NAV2: variants seen among roughly 807,000 people sequenced by gnomAD.
The protein encoded by NAV2 is helicase, APC down-regulated 1.
Under a neutral mutation model 223.2 loss-of-function variants are expected in NAV2, and 54 were observed. That is an observed-to-expected ratio of 0.24 (90% CI 0.19 to 0.30). The LOEUF is 0.30. Among genes scored for constraint, NAV2 ranks in the 10% least tolerant of loss-of-function variants. The probability of loss-of-function intolerance (pLI) is 1.00; values close to 1 mark genes in which losing one functional copy is unlikely to be tolerated. For synonymous variants in NAV2, 1,279 were observed against 1,239.3 expected, an observed-to-expected ratio of 1.03 and a Z score of -0.67; for missense variants, 2,806 against 3,147.5, an observed-to-expected ratio of 0.89 and a Z score of 2.60.
intron 1 of NAV2, among the ~76,000 whole-genome samples, chr11:19,690,424 G>A (rs1343807865): frequency 6.6e-6 from 1 of 152,086 alleles, no homozygotes; most frequent in Non-Finnish European, 1.5e-5. Flanking sequence ...CACTTACTTG[G>A]CCTCTCTGTG....
chr11:19,998,157 A>G lies in NAV2; in HGVS notation c.2768+13910A>G, dbSNP rs1476740227. Among the ~76,000 whole-genome samples, 1 of 152,124 alleles carries G rather than the reference A, an allele frequency of 6.6e-6. No individual in the cohort carries two copies. Among genetic ancestry groups the G allele is most frequent in the Non-Finnish European group, 1.5e-5 (1 of 68,024 alleles). On this transcript the variant is annotated intron_variant, in intron 11 of 37. Transcript: ENST00000349880. The surrounding 1 kb of genome is among the most constrained non-coding windows in gnomAD (Gnocchi z 5.0). Reference sequence around the variant, plus strand: ...TTAATATTATCCTAAGATAATTGATAAGACTGACTGAAGAGTTTTCCTCCC... The same window carrying G: ...TTAATATTATCCTAAGATAATTGATGAGACTGACTGAAGAGTTTTCCTCCC...
chr11:19,512,741 T>C, intron 1 of NAV2, among the ~76,000 whole-genome samples: 1 of 152,228 alleles, frequency 6.6e-6, no homozygotes. Context: ...TTGTCAGTGC[T>C]GGAGAGGGTT....
chr11:19,728,435 C>T (rs1240982941), intron 1 of NAV2, among the ~76,000 whole-genome samples: 2 of 152,214 alleles, frequency 1.3e-5, no homozygotes, highest in Non-Finnish European at 2.9e-5. Flanking sequence ...TTCTGATGCA[C>T]ACCCTGGGGT....
At chr11:19,640,053 C>T (rs757079872) in intron 1 of NAV2, among the ~76,000 whole-genome samples, 50 of 152,248 alleles carry the variant, frequency 3.3e-4, no homozygotes, top group African/African-American at 9.6e-4. Context: ...CAGTGAAGAA[C>T]GAAGAAACCT....
chr11:19,879,298 A>G (rs766563750), intron 4 of NAV2, among the ~76,000 whole-genome samples: 1 of 152,204 alleles, frequency 6.6e-6, no homozygotes, highest in Non-Finnish European at 1.5e-5. Context: ...AATATTTTGT[A>G]TGAGTCCATT....
At position 19,673,678 on chromosome 11, in the gene NAV2, G is replaced by A. The variant is rs1167013783; in HGVS notation, c.76-158806G>A. 2.0e-5 allele frequency among the ~76,000 whole-genome samples: 3 copies of A among 152,204 alleles called. No homozygotes were observed. In the East Asian group the frequency reaches 5.8e-4, roughly 29 times the overall value. ...TAAATAGAGGGCTGAAATTTTGTGT[G>A]CCTTGTCTTCTGGTTTTGTTTAAAC... On this transcript the variant is annotated intron_variant, in intron 1 of 37. Transcript: ENST00000360655.
chr11:19,605,630 G>A (rs1162550296), intron 1 of NAV2, among the ~76,000 whole-genome samples: 1 of 152,098 alleles, frequency 6.6e-6, no homozygotes, highest in African/African-American at 2.4e-5. Flanking sequence ...AGGGTTAGCG[G>A]GGAGGAGGGT....
At chr11:19,920,133 C>CAAAAAAAAAAAAAAAAAAAAAA (rs2044156853) in intron 6 of NAV2, among the ~76,000 whole-genome samples, 1 of 152,096 alleles carries the variant, frequency 6.6e-6, no homozygotes, top group Non-Finnish European at 1.5e-5. Flanking sequence ...GACCCTGTCT[C>CAAAAAAAAAAAAAAAAAAAAAA]AAAAAATAAG....
intron 1 of NAV2, among the ~76,000 whole-genome samples, chr11:19,808,758 G>A (rs1037239931): frequency 6.6e-6 from 1 of 152,138 alleles, no homozygotes; most frequent in Non-Finnish European, 1.5e-5. Context: ...CAGTCATATG[G>A]GGGATATTTT....
chr11:19,507,858 C>G (rs986499703), intron 1 of NAV2, among the ~76,000 whole-genome samples: 1 of 152,122 alleles, frequency 6.6e-6, no homozygotes, highest in South Asian at 2.1e-4. Context: ...GATCAGGACA[C>G]GGAGGTTCAG....
chr11:19,776,678 T>TGTGTGTGTGTGTGGG (rs2056238347), intron 1 of NAV2, among the ~76,000 whole-genome samples: 3 of 39,526 alleles, frequency 7.6e-5, no homozygotes, highest in East Asian at 3.8e-4. Context: ...GTGTGTGTGG[T>TGTGTGTGTGTGTGGG]TAGAGTTGTG....
intron 11 of NAV2, among the ~76,000 whole-genome samples, chr11:20,019,095 G>A (rs1185701472): frequency 6.6e-6 from 1 of 152,186 alleles, no homozygotes; most frequent in East Asian, 1.9e-4. Context: ...GCAGGAATGT[G>A]ACAGAATCTG....
chr11:19,973,714 G>T (rs185593810), intron 10 of NAV2, among the ~76,000 whole-genome samples: 11 of 152,318 alleles, frequency 7.2e-5, no homozygotes, highest in African/African-American at 2.2e-4. Flanking sequence ...TGCAGAATAC[G>T]TTGAAGGATC....
intron 1 of NAV2, among the ~76,000 whole-genome samples, chr11:19,374,103 A>G (rs1848560847): frequency 6.6e-6 from 1 of 152,204 alleles, no homozygotes; most frequent in African/African-American, 2.4e-5. Flanking sequence ...TGTTATCATG[A>G]CCATAATTTA....
intron 1 of NAV2, among the ~76,000 whole-genome samples, chr11:19,564,901 G>A (rs889352556): frequency 6.6e-6 from 1 of 152,230 alleles, no homozygotes; most frequent in Admixed American, 6.5e-5. Flanking sequence ...TTGGGAAGCA[G>A]AGGCTGGCGG....
Position 19,949,704 on chromosome 11 carries a change from C to T in NAV2, c.2645+624C>T, listed in dbSNP as rs141766065. ...GCTCCTTTGGAAGATTATCACTATTCGAAATTAGCCTGATTATGTGTATAT... is the reference window on the plus strand; with the variant it reads ...GCTCCTTTGGAAGATTATCACTATTTGAAATTAGCCTGATTATGTGTATAT... On this transcript the variant is annotated intron_variant, in intron 10 of 37. Transcript: ENST00000349880. Among the ~76,000 whole-genome samples the T allele has an allele frequency of 5.0e-3, 764 of 152,310 alleles. 5 individuals carry two copies. The highest frequency in any genetic ancestry group is 0.017 in the African/African-American group (718 of 41,568).
At chr11:20,055,474 A>T (rs777646903) in intron 18 of NAV2, among the ~76,000 whole-genome samples, 12 of 152,182 alleles carry the variant, frequency 7.9e-5, no homozygotes, top group Non-Finnish European at 1.5e-4. Flanking sequence ...ATTCCAGATG[A>T]GCCTGGGGAG....
At chr11:20,088,089 T>C (rs532630864) in intron 26 of NAV2, among the ~76,000 whole-genome samples, 4 of 152,290 alleles carry the variant, frequency 2.6e-5, no homozygotes, top group African/African-American at 9.6e-5. Flanking sequence ...AGCATAAGTC[T>C]AGTCAGGGAA....
At chr11:19,706,268 G>A (rs2049660024) in intron 1 of NAV2, among the ~76,000 whole-genome samples, 1 of 152,144 alleles carries the variant, frequency 6.6e-6, no homozygotes. Flanking sequence ...TGTGGGATGA[G>A]GCAAGATGTA....
Sources: allele counts gnomAD v4.1 joint callset (sites outside exome capture counted in the v4.1 genomes callset), GRCh38; gene constraint gnomAD v4.1.1; non-coding constraint Gnocchi (gnomAD v3.1); transcripts MANE v1.5; gene names NCBI Gene and HGNC (gene_info 2026-07-23, HGNC 2026-07-21).